The following CAMK1D variants were observed in gnomAD, a reference collection of about 807,000 sequenced individuals.
CAMK1D encodes calcium/calmodulin dependent protein kinase ID, also known as calcium/calmodulin-dependent protein kinase type 1D.
A neutral mutation model predicts 47.7 loss-of-function variants in CAMK1D; 9 were observed. The observed-to-expected ratio is 0.19, with a 90% CI of 0.11 to 0.33. CAMK1D has a LOEUF of 0.33. CAMK1D is among the 10% of genes least tolerant of loss of function. The pLI is 1.00. For synonymous variants in CAMK1D, 184 were observed against 184.9 expected (o/e 0.99, Z 0.04); for missense variants, 291 against 488.7 (o/e 0.60, Z 3.81).
intron 1 of CAMK1D, among the ~76,000 whole-genome samples, chr10:12,490,254 G>A (rs920529375): frequency 7.3e-5 from 11 of 150,562 alleles, no homozygotes; most frequent in African/African-American, 2.7e-4. Flanking sequence ...TGTTTTGAGT[G>A]GGATAAGTGT....
chr10:12,696,303 G>A (rs913659463), intron 3 of CAMK1D, among the ~76,000 whole-genome samples: 2 of 152,110 alleles, frequency 1.3e-5, no homozygotes, highest in African/African-American at 2.4e-5. Context: ...TTGAGAGGCC[G>A]AGGTGGGAGG....
intron 2 of CAMK1D, among the ~76,000 whole-genome samples, chr10:12,662,998 G>T (rs77650717): frequency 6.6e-6 from 1 of 152,042 alleles, no homozygotes; most frequent in African/African-American, 2.4e-5. Context: ...TTTTGCTCTG[G>T]TTGCCCAGGC....
intron 1 of CAMK1D, among the ~76,000 whole-genome samples, chr10:12,480,926 A>G (rs1834045699): frequency 6.6e-6 from 1 of 152,224 alleles, no homozygotes; most frequent in African/African-American, 2.4e-5. Flanking sequence ...GATCTAACCA[A>G]CTGCCATCTT....
intron 3 of CAMK1D, among the ~76,000 whole-genome samples, chr10:12,753,043 A>C (rs1836061993): frequency 6.6e-6 from 1 of 152,198 alleles, no homozygotes; most frequent in Non-Finnish European, 1.5e-5. Context: ...CAGGAGATTG[A>C]GAGATTGAGA....
In CAMK1D at chr10:12,636,536, C is replaced by T. The variant is rs147859805; in HGVS notation, c.225-30200C>T. Among the ~76,000 whole-genome samples, 251 of 152,276 alleles carry T rather than the reference C, an allele frequency of 1.6e-3. 1 individual carries two copies. In the Middle Eastern group the frequency reaches 0.017, roughly 10 times the overall value. On this transcript the variant is annotated intron_variant, in intron 2 of 10. Transcript: ENST00000619168. ...AGTGACGCAGTCTCACTCTGTTGCCCAGGCTGGCCTCAAACTCCTGGGATC... is the reference window on the plus strand; with the variant it reads ...AGTGACGCAGTCTCACTCTGTTGCCTAGGCTGGCCTCAAACTCCTGGGATC...
At chr10:12,653,951 G>A (rs1004546158) in intron 2 of CAMK1D, among the ~76,000 whole-genome samples, 8 of 152,186 alleles carry the variant, frequency 5.3e-5, no homozygotes, top group Admixed American at 1.3e-4. Context: ...GGTTTGAGTT[G>A]TGAAATATGG....
intron 3 of CAMK1D, among the ~76,000 whole-genome samples, chr10:12,679,662 G>T (rs1197849618): frequency 6.6e-6 from 1 of 152,076 alleles, no homozygotes; most frequent in Non-Finnish European, 1.5e-5. Context: ...TCCTGCTTTG[G>T]GTTTTCTCTC....
At chr10:12,529,757 G>A (rs576537612) in intron 1 of CAMK1D, among the ~76,000 whole-genome samples, 12 of 152,256 alleles carry the variant, frequency 7.9e-5, no homozygotes, top group African/African-American at 1.9e-4. Context: ...TTAAAAATAC[G>A]AGTGCTGGGA....
rs920466445 is a variant in CAMK1D at position 12,719,422 on chromosome 10, GAAAAGAA to G, written c.300-41516_300-41510del. The stretch of plus-strand genomic sequence containing the variant: ...GACTGTGCCTCAGGAAAAAAAAAAA[GAAAAGAA>G]AAAAGAAAACTGTAAAAAGAATTTC... On this transcript the variant is annotated intron_variant, in intron 3 of 10. Transcript: ENST00000619168. 3.7e-4 allele frequency among the ~76,000 whole-genome samples: 49 copies of G among 133,176 alleles called. No individual in the cohort carries two copies. The East Asian group carries it at 7.1e-3, about 19-fold the overall frequency. The allele number at this position is 133,176 out of a possible 152,430, so 87.4% of individuals were successfully genotyped here. A position where few individuals can be genotyped will look rare whatever the true frequency, so the allele number is the denominator to read the frequency against.
chr10:12,542,338 C>T (rs753499820), intron 1 of CAMK1D, among the ~76,000 whole-genome samples: 11 of 152,122 alleles, frequency 7.2e-5, no homozygotes, highest in Non-Finnish European at 1.0e-4. Flanking sequence ...AGGCTGGAAG[C>T]GATGCTGTTA....
chr10:12,801,612 C>A (rs1321118806), intron 6 of CAMK1D, among the ~76,000 whole-genome samples: 1 of 152,126 alleles, frequency 6.6e-6, no homozygotes, highest in East Asian at 1.9e-4. Flanking sequence ...ATTCATCCAT[C>A]CTTCCATCCA....
At chr10:12,543,475 G>A (rs1180047250) in intron 1 of CAMK1D, among the ~76,000 whole-genome samples, 1 of 152,198 alleles carries the variant, frequency 6.6e-6, no homozygotes, top group East Asian at 1.9e-4. Context: ...GTAGTGAGGA[G>A]GGAGTTAGCC....
At chr10:12,685,589 G>T (rs768432565) in intron 3 of CAMK1D, among the ~76,000 whole-genome samples, 1 of 152,138 alleles carries the variant, frequency 6.6e-6, no homozygotes, top group Non-Finnish European at 1.5e-5. Context: ...TAAAGAGCCT[G>T]GGCTGTTCAT....
chr10:12,737,044 G>T (rs113588083), intron 3 of CAMK1D, among the ~76,000 whole-genome samples: 3 of 152,174 alleles, frequency 2.0e-5, no homozygotes, highest in African/African-American at 4.8e-5. Context: ...GCATGCAGCT[G>T]CAGGGGAGGG....
chr10:12,413,316 A>G (rs2131947971), intron 1 of CAMK1D, among the ~76,000 whole-genome samples: 1 of 152,292 alleles, frequency 6.6e-6, no homozygotes, highest in South Asian at 2.1e-4. Context: ...GACAGCACCA[A>G]GCTGTGAGGG....
At chr10:12,451,186 G>A (rs1833073576) in intron 1 of CAMK1D, among the ~76,000 whole-genome samples, 2 of 152,160 alleles carry the variant, frequency 1.3e-5, no homozygotes, top group African/African-American at 4.8e-5. Flanking sequence ...TTTTAATAAA[G>A]GGCTTCCTCA....
At chr10:12,677,582 A>G (rs1840854755) in intron 3 of CAMK1D, among the ~76,000 whole-genome samples, 1 of 152,136 alleles carries the variant, frequency 6.6e-6, no homozygotes, top group Non-Finnish European at 1.5e-5. Flanking sequence ...GAGGGTGATT[A>G]AGAGTCAGCC....
intron 1 of CAMK1D, among the ~76,000 whole-genome samples, chr10:12,432,248 T>C (rs889209072): frequency 1.3e-5 from 2 of 152,266 alleles, no homozygotes; most frequent in African/African-American, 4.8e-5. Context: ...CCCAAAGAGT[T>C]TTTCCTCAGC....
chr10:12,516,040 T>A (rs1284610376), intron 1 of CAMK1D, among the ~76,000 whole-genome samples: 2 of 152,224 alleles, frequency 1.3e-5, no homozygotes, highest in Non-Finnish European at 2.9e-5. Flanking sequence ...TGCTGAATGG[T>A]AAGCCATTGT....
Sources: allele counts gnomAD v4.1 joint callset (sites outside exome capture counted in the v4.1 genomes callset), GRCh38; gene constraint gnomAD v4.1.1; transcripts MANE v1.5; gene names NCBI Gene and HGNC (gene_info 2026-07-23, HGNC 2026-07-21).